Variants in HSPA12A observed in about 807,000 individuals in gnomAD.
HSPA12A encodes heat shock 70 kDa protein 12A.
In HSPA12A, 28 loss-of-function variants were observed where a neutral mutation model predicts 69.2. That is an observed-to-expected ratio of 0.40 (90% CI 0.30 to 0.55). The LOEUF (loss-of-function observed/expected upper bound fraction) is 0.55. Ranked by LOEUF, HSPA12A falls within the 20% of genes least tolerant of loss-of-function variation. HSPA12A has a pLI of 0.38. For missense variants in HSPA12A, 686 were observed against 900.7 expected (o/e 0.76, Z 3.05); for synonymous variants, 345 against 370.5 (o/e 0.93, Z 0.79).
intron 2 of HSPA12A, among the ~76,000 whole-genome samples, chr10:116,788,532 TCACCAGG>T (rs1430230541): frequency 3.9e-5 from 6 of 152,190 alleles, no homozygotes; most frequent in Non-Finnish European, 7.3e-5. Context: ...ACACCTACAG[TCACCAGG>T]CTGTGATCTG....
At chr10:116,741,703 A>C (rs1444447086) in intron 1 of HSPA12A, among the ~76,000 whole-genome samples, 3 of 151,072 alleles carry the variant, frequency 2.0e-5, no homozygotes, top group African/African-American at 2.4e-5. Context: ...AGCCCTAATC[A>C]CGCTCCCCAA....
intron 1 of HSPA12A, among the ~76,000 whole-genome samples, chr10:116,726,031 ACACACACACACACACACACACAC>A (rs1564797178): frequency 3.6e-3 from 255 of 71,722 alleles, no homozygotes; most frequent in African/African-American, 0.015. Flanking sequence ...ACACACGCAC[ACACACACACACACACACACACAC>A]AACAGGCCAA....
chr10:116,715,990 T>C (rs936734946), intron 1 of HSPA12A, among the ~76,000 whole-genome samples: 1 of 152,196 alleles, frequency 6.6e-6, no homozygotes, highest in Non-Finnish European at 1.5e-5. Flanking sequence ...AGGCACCCAC[T>C]GGCCCCCTCG....
intron 6 of HSPA12A, among the ~76,000 whole-genome samples, chr10:116,684,307 C>T (rs1400011407): frequency 6.6e-6 from 1 of 152,114 alleles, no homozygotes; most frequent in East Asian, 1.9e-4. Context: ...AGGAGGCACA[C>T]GGGCTTCCAT....
At chr10:116,798,810 A>G (rs968776146) in intron 2 of HSPA12A, among the ~76,000 whole-genome samples, 3 of 152,170 alleles carry the variant, frequency 2.0e-5, no homozygotes, top group Non-Finnish European at 4.4e-5. Flanking sequence ...CACCTCTTTG[A>G]ACTGGAACTA....
At chr10:116,707,315 G>C in intron 1 of HSPA12A, 30 bp from the exon 2 acceptor site, 1 of 1,554,434 alleles carries the variant, frequency 6.4e-7, no homozygotes, top group Non-Finnish European at 8.8e-7. Flanking sequence ...CGCCTCCTTA[G>C]AAGTGGCATG....
In HSPA12A at chr10:116,723,354, G is replaced by C. The variant is rs1850842945; in HGVS notation, c.41-16069C>G. On this transcript the variant is annotated intron_variant, in intron 1 of 11. Transcript: ENST00000369209. This position sits in a 1 kb window ranked among gnomAD's most constrained non-coding sequence, Gnocchi z 4.1. ...AGAGGGGCCCGCTGACCTTCACGTG[G>C]GAGGATTTGACCCTCATGCTGCCCT... Among the ~76,000 whole-genome samples the C allele has an allele frequency of 6.6e-6, 1 of 152,124 alleles. No individual in the cohort carries two copies. The highest frequency in any genetic ancestry group is 1.5e-5 in the Non-Finnish European group (1 of 68,030).
chr10:116,824,021 A>T (rs1048064069), intron 2 of HSPA12A, among the ~76,000 whole-genome samples: 2 of 152,232 alleles, frequency 1.3e-5, no homozygotes, highest in Non-Finnish European at 2.9e-5. Flanking sequence ...TAAGGGAGTT[A>T]TATCTAAAAT....
chr10:116,761,811 C>T (rs1283426019), intron 2 of HSPA12A, among the ~76,000 whole-genome samples: 1 of 151,726 alleles, frequency 6.6e-6, no homozygotes, highest in Non-Finnish European at 1.5e-5. Flanking sequence ...CTAGAGGTGG[C>T]TATCAGGAAT....
intron 5 of HSPA12A, among the ~76,000 whole-genome samples, chr10:116,697,117 T>C (rs1554880954): frequency 6.6e-6 from 1 of 152,234 alleles, no homozygotes; most frequent in African/African-American, 2.4e-5. Context: ...GGTACTTGAA[T>C]AGATGAAAGT....
intron 2 of HSPA12A, among the ~76,000 whole-genome samples, chr10:116,767,838 T>G (rs1352972274): frequency 6.6e-6 from 1 of 152,198 alleles, no homozygotes; most frequent in Non-Finnish European, 1.5e-5. Flanking sequence ...CGGCACTATG[T>G]TCCCTAATTG....
chr10:116,750,702 T>A (rs1851756676), intron 2 of HSPA12A: 1 of 186,518 alleles, frequency 5.4e-6, no homozygotes, highest in African/African-American at 2.4e-5. Flanking sequence ...GGGGCCGGGC[T>A]CCGTGGCTCA....
chr10:116,697,095 C>T (rs955878790), intron 5 of HSPA12A, among the ~76,000 whole-genome samples: 1 of 152,126 alleles, frequency 6.6e-6, no homozygotes, highest in Non-Finnish European at 1.5e-5. Context: ...ATAAAAGGTA[C>T]TCAAAAAAAC....
At chr10:116,824,567 A>G (rs1845465699) in intron 2 of HSPA12A, among the ~76,000 whole-genome samples, 1 of 152,234 alleles carries the variant, frequency 6.6e-6, no homozygotes, top group Admixed American at 6.5e-5. Flanking sequence ...ATTATCCAGC[A>G]ATGAAAAGTG....
At chr10:116,691,397 G>T (rs1444528588) in intron 6 of HSPA12A, among the ~76,000 whole-genome samples, 1 of 152,214 alleles carries the variant, frequency 6.6e-6, no homozygotes, top group African/African-American at 2.4e-5. Flanking sequence ...TGTAAAGAAA[G>T]TGTCACAAAC....
At chr10:116,812,613 C>A (rs1845214916) in intron 2 of HSPA12A, among the ~76,000 whole-genome samples, 1 of 151,936 alleles carries the variant, frequency 6.6e-6, no homozygotes, top group Non-Finnish European at 1.5e-5. Flanking sequence ...AATTCAAAAG[C>A]CTCCTGTACA....
intron 2 of HSPA12A, among the ~76,000 whole-genome samples, chr10:116,801,475 G>A (rs555689636): frequency 2.5e-4 from 38 of 152,224 alleles, no homozygotes; most frequent in African/African-American, 7.7e-4. Flanking sequence ...CCCCCATCCC[G>A]AGGGGGTTCA....
chr10:116,673,504 T>G lies in HSPA12A; in HGVS notation c.*1277A>C, dbSNP rs2133347555. 1 of 152,264 alleles carries G rather than the reference T, an allele frequency of 6.6e-6. No homozygotes were observed. Among genetic ancestry groups the G allele is most frequent in the Non-Finnish European group, 1.5e-5 (1 of 68,014 alleles). The allele number at this position is 152,264 out of a possible 1,614,324, so 9.4% of individuals were successfully genotyped here. A position where few individuals can be genotyped will look rare whatever the true frequency, so the allele number is the denominator to read the frequency against. On this transcript the variant is annotated 3_prime_UTR_variant, in exon 12 of 12. Coordinates refer to ENST00000369209, the MANE Select transcript of HSPA12A (RefSeq NM_025015.3). ...AATCTCAGGTTAGTATTTCTCCAAT[T>G]TCAGTTGAACCACGATGTGGTATAC...
intron 1 of HSPA12A, among the ~76,000 whole-genome samples, chr10:116,715,873 C>T (rs779551459): frequency 6.6e-6 from 1 of 152,182 alleles, no homozygotes; most frequent in Non-Finnish European, 1.5e-5. Flanking sequence ...AGGTTTTGGA[C>T]CTGGGTCTCA....
Sources: gnomAD v4.1 joint callset for allele counts (sites outside exome capture counted in the v4.1 genomes callset) on GRCh38, gnomAD v4.1.1 for gene constraint, Gnocchi (gnomAD v3.1) non-coding constraint, MANE v1.5 for transcripts, NCBI Gene and HGNC (gene_info 2026-07-23, HGNC 2026-07-21) for gene names.